ABHD2: variants seen among roughly 807,000 people sequenced by gnomAD.
The protein encoded by ABHD2 is monoacylglycerol lipase ABHD2.
Under a neutral mutation model 48.1 loss-of-function variants are expected in ABHD2, and 20 were observed. That is an observed-to-expected ratio of 0.42 (90% CI 0.29 to 0.60). ABHD2 has a LOEUF of 0.60. Among genes scored for constraint, ABHD2 ranks in the 20% least tolerant of loss-of-function variants. The pLI, the probability that ABHD2 is intolerant of heterozygous loss-of-function variation, is 0.24. For missense variants in ABHD2, 405 were observed against 550.9 expected, an observed-to-expected ratio of 0.74 and a Z score of 2.65; for synonymous variants, 209 against 214.2, an observed-to-expected ratio of 0.98 and a Z score of 0.21.
rs199744791 is a variant in ABHD2 at position 89,100,338 on chromosome 15, T to C, written c.-107+11775T>C. On this transcript the variant is annotated intron_variant, in intron 1 of 10. Coordinates refer to ENST00000352732, the MANE Select transcript of ABHD2 (RefSeq NM_152924.5). The surrounding 1 kb of genome is among the most constrained non-coding windows in gnomAD (Gnocchi z 4.4). ...TCTTACTCTGTCACCCAGGCTGGAG[T>C]GCAATAGTGCGATCATAGCTCACTG... Among the ~76,000 whole-genome samples, 6 of 151,226 alleles carry C rather than the reference T, an allele frequency of 4.0e-5. No individual in the cohort carries two copies. The highest frequency in any genetic ancestry group is 4.4e-5 in the Non-Finnish European group (3 of 67,872).
At chr15:89,098,825 C>T (rs752316472) in intron 1 of ABHD2, among the ~76,000 whole-genome samples, 2 of 152,162 alleles carry the variant, frequency 1.3e-5, no homozygotes, top group South Asian at 2.1e-4. Flanking sequence ...GCACTGACAT[C>T]GCAAGAGAAA....
chr15:89,093,955 C>CT (rs907541047), intron 1 of ABHD2: 26 of 152,326 alleles, frequency 1.7e-4, no homozygotes, highest in African/African-American at 6.0e-4. Context: ...TTGAATGTGC[C>CT]TTAACCTTCG....
At chr15:89,061,312 G>A in the ABHD2 span, among the ~76,000 whole-genome samples, 4 of 54,898 alleles carry the variant, frequency 7.3e-5, no homozygotes, top group East Asian at 1.5e-3. Flanking sequence ...CAGCTACTCG[G>A]GAGGCTGAGG....
intron 10 of ABHD2, 48 bp downstream of exon 10, chr15:89,193,367 C>T (rs375912916): frequency 1.9e-5 from 28 of 1,500,450 alleles, no homozygotes; most frequent in African/African-American, 2.7e-5. Context: ...CAAGTTGCCA[C>T]AGTAAATTCT....
At chr15:89,138,619 A>G (rs1227548874) in intron 3 of ABHD2, among the ~76,000 whole-genome samples, 3 of 152,258 alleles carry the variant, frequency 2.0e-5, no homozygotes, top group Non-Finnish European at 4.4e-5. Context: ...TGCAAAACGA[A>G]AGAAATGTTT....
chr15:89,093,124 A>G (rs1901661699), intron 1 of ABHD2, among the ~76,000 whole-genome samples: 1 of 149,478 alleles, frequency 6.7e-6, no homozygotes. Flanking sequence ...TGTTCTCCAG[A>G]GAAGCTTCCT....
At chr15:89,077,225 C>A in the ABHD2 span, among the ~76,000 whole-genome samples, 1 of 152,138 alleles carries the variant, frequency 6.6e-6, no homozygotes, top group Non-Finnish European at 1.5e-5. Context: ...TCTTTTTGAA[C>A]TTTATATAAA....
the ABHD2 span, among the ~76,000 whole-genome samples, chr15:89,066,868 C>T: frequency 5.3e-5 from 8 of 152,196 alleles, no homozygotes; most frequent in Admixed American, 5.2e-4. Context: ...AGTGGCATGG[C>T]ACAGCTGTGT....
intron 1 of ABHD2, among the ~76,000 whole-genome samples, chr15:89,111,665 C>G (rs1400995171): frequency 1.3e-5 from 2 of 152,194 alleles, no homozygotes; most frequent in African/African-American, 4.8e-5. Flanking sequence ...AAAATTAGAT[C>G]TACCCCTCCA....
At chr15:89,194,088 C>T (rs2150956487) in intron 10 of ABHD2, among the ~76,000 whole-genome samples, 1 of 152,242 alleles carries the variant, frequency 6.6e-6, no homozygotes, top group Admixed American at 6.5e-5. Flanking sequence ...AAGATTCTGT[C>T]TCTAAAAATA....
upstream of ABHD2, chr15:89,082,606 C>T (rs1010195720): frequency 6.6e-6 from 1 of 152,370 alleles, no homozygotes; most frequent in African/African-American, 2.4e-5. The surrounding 1 kb of genome is among the most constrained non-coding windows in gnomAD (Gnocchi z 4.4). Context: ...AAATTGCTGC[C>T]TCCTCTGAAT....
chr15:89,123,721 A>T (rs1233822859), intron 3 of ABHD2, among the ~76,000 whole-genome samples: 1 of 150,792 alleles, frequency 6.6e-6, no homozygotes, highest in Non-Finnish European at 1.5e-5. Context: ...TCTCAGCCTC[A>T]CAAGTGTCTG....
the ABHD2 span, chr15:89,041,374 G>C: frequency 5.3e-5 from 8 of 152,332 alleles, no homozygotes. Context: ...CTTTTCTTCT[G>C]AGTTTCGGAT....
At chr15:89,047,213 G>A in the ABHD2 span, among the ~76,000 whole-genome samples, 3 of 152,134 alleles carry the variant, frequency 2.0e-5, no homozygotes, top group African/African-American at 7.2e-5. Flanking sequence ...GGTTTTAAGT[G>A]AGATTCTTAA....
At chr15:89,066,016 G>A in the ABHD2 span, among the ~76,000 whole-genome samples, 8 of 152,108 alleles carry the variant, frequency 5.3e-5, no homozygotes, top group South Asian at 6.2e-4. Flanking sequence ...AGACATTAAC[G>A]AGTGAATGAT....
the ABHD2 span, among the ~76,000 whole-genome samples, chr15:89,050,475 C>A: frequency 1.2e-4 from 18 of 152,318 alleles, no homozygotes; most frequent in African/African-American, 4.1e-4. Context: ...AAGTTCCCCC[C>A]AGTTTAGCAG....
the ABHD2 span, among the ~76,000 whole-genome samples, chr15:89,076,381 C>G: frequency 1.2e-4 from 19 of 152,292 alleles, no homozygotes; most frequent in Middle Eastern, 0.02. Flanking sequence ...CAATATGTAT[C>G]TCTGAAATAG....
chr15:89,189,672 C>G lies in ABHD2; in HGVS notation c.926+1369C>G, dbSNP rs989676470. On this transcript the variant is annotated intron_variant, in intron 8 of 10. Transcript: ENST00000352732. This position sits in a 1 kb window ranked among gnomAD's most constrained non-coding sequence, Gnocchi z 4.9. ...AGTAACGTTGAAATATGCCTGCTAACAGTTTCTCAAAGGAAATGAAAACTA... is the reference window on the plus strand; with the variant it reads ...AGTAACGTTGAAATATGCCTGCTAAGAGTTTCTCAAAGGAAATGAAAACTA... Among the ~76,000 whole-genome samples, 1 of 152,098 alleles carries G rather than the reference C, an allele frequency of 6.6e-6. No homozygotes were observed. Among genetic ancestry groups the G allele is most frequent in the South Asian group, 2.1e-4 (1 of 4,828 alleles).
Position 89,188,226 on chromosome 15 carries a change from C to T in ABHD2, c.849C>T (p.Pro283=). 2.5e-6 allele frequency: 4 copies of T among 1,614,182 alleles called. No homozygotes were observed. The highest frequency in any genetic ancestry group is 3.4e-6 in the Non-Finnish European group (4 of 1,180,028). The change falls in exon 8 of 11, where the codon CCC becomes CCT. Residue 283 remains proline (P), a synonymous_variant. Transcript: ENST00000352732. The surrounding 1 kb of genome is among the most constrained non-coding windows in gnomAD (Gnocchi z 4.1). ...QALFGDHVKK[P]QSLEDTDLSR... is the part of the protein sequence containing the mutation. ...TTTTTGGAGACCATGTTAAGAAACC[C>T]CAGAGCCTGGAAGACACGGACTTGA...
Sources: allele counts gnomAD v4.1 joint callset (sites outside exome capture counted in the v4.1 genomes callset), GRCh38; gene constraint gnomAD v4.1.1; non-coding constraint Gnocchi (gnomAD v3.1); transcripts MANE v1.5; gene names NCBI Gene and HGNC (gene_info 2026-07-23, HGNC 2026-07-21).